The following HEATR4 variants were observed in gnomAD, a reference collection of about 807,000 sequenced individuals.
HEATR4 encodes HEAT repeat-containing protein 4.
In HEATR4, 95 loss-of-function variants were observed where a neutral mutation model predicts 108.8. The observed-to-expected ratio is 0.87, with a 90% CI of 0.74 to 1.04. The LOEUF (loss-of-function observed/expected upper bound fraction) is 1.04, where lower values mean the gene tolerates loss of function less well. Ranked by LOEUF, HEATR4 falls within the 50% of genes least tolerant of loss-of-function variation. The pLI, the probability that HEATR4 is intolerant of heterozygous loss-of-function variation, is 0.00. For missense variants in HEATR4, 1,152 were observed against 1,253.8 expected (o/e 0.92, Z 1.23); for synonymous variants, 443 against 459.4 (o/e 0.96, Z 0.46).
the HEATR4 span, among the ~76,000 whole-genome samples, chr14:73,589,432 G>A: frequency 6.6e-6 from 1 of 152,000 alleles, no homozygotes; most frequent in Non-Finnish European, 1.5e-5. Context: ...CAATTCTCCT[G>A]CCTCAGCCTC....
At chr14:73,590,453 C>T in the HEATR4 span, among the ~76,000 whole-genome samples, 3,165 of 152,380 alleles carry the variant, frequency 0.021, 119 homozygotes, top group African/African-American at 0.072. Context: ...GGTGGAGCTG[C>T]CTGCCAGTCC....
At chr14:73,499,443 GTAC>G (rs1480183179) in intron 12 of HEATR4, among the ~76,000 whole-genome samples, 3 of 152,234 alleles carry the variant, frequency 2.0e-5, no homozygotes, top group Non-Finnish European at 2.9e-5. Context: ...TCGTGCCACT[GTAC>G]TCCAGCCTGG....
the HEATR4 span, among the ~76,000 whole-genome samples, chr14:73,632,976 C>T: frequency 6.7e-6 from 1 of 149,862 alleles, no homozygotes; most frequent in Non-Finnish European, 1.5e-5. Context: ...GGGTATATAT[C>T]TGTAATTCAG....
chr14:73,515,074 A>AG (rs1339103425), intron 5 of HEATR4, among the ~76,000 whole-genome samples: 1 of 151,822 alleles, frequency 6.6e-6, no homozygotes, highest in Non-Finnish European at 1.5e-5. Context: ...TTCTCAAAAA[A>AG]AAAAAACAAA....
the HEATR4 span, chr14:73,591,562 A>G: frequency 5.8e-6 from 1 of 173,020 alleles, no homozygotes; most frequent in Admixed American, 6.3e-5. Context: ...AAAGTTAAAA[A>G]CAAAACCTTC....
At chr14:73,553,686 G>C (rs1175245008) in intron 1 of HEATR4, among the ~76,000 whole-genome samples, 1 of 112,226 alleles carries the variant, frequency 8.9e-6, no homozygotes, top group South Asian at 2.9e-4. Context: ...CCAGGCTGGA[G>C]TGCAGCAGCG....
the HEATR4 span, among the ~76,000 whole-genome samples, chr14:73,621,452 C>T: frequency 6.6e-6 from 1 of 152,176 alleles, no homozygotes; most frequent in Non-Finnish European, 1.5e-5. Flanking sequence ...CAATTACCCT[C>T]CTACTGAGAA....
chr14:73,581,050 T>C, the HEATR4 span: 2 of 151,954 alleles, frequency 1.3e-5, no homozygotes, highest in Admixed American at 6.6e-5. Context: ...TGTTTTGATA[T>C]GTGTATATTA....
At chr14:73,574,342 G>A in the HEATR4 span, 1 of 165,128 alleles carries the variant, frequency 6.1e-6, no homozygotes. Flanking sequence ...TCGGCTCACT[G>A]CAAACTCCAC....
Position 73,506,513 on chromosome 14 carries a change from A to G in HEATR4, c.1940T>C (p.Ile647Thr), listed in dbSNP as rs576219698. 1.2e-5 allele frequency: 19 copies of G among 1,613,874 alleles called. No homozygotes were observed. Among genetic ancestry groups the G allele is most frequent in the South Asian group, 6.6e-5 (6 of 91,078 alleles). The change falls in exon 10 of 18, where the codon ATT (isoleucine) becomes ACT (threonine). Residue 647 changes from isoleucine to threonine, a missense_variant. Physicochemically the swap from Ile to Thr is moderately conservative, Grantham distance 89. Coordinates refer to ENST00000553558, the MANE Select transcript of HEATR4 (RefSeq NM_001220484.1). ...ELNSCQWKNR[I>T]VACQAFSRIS... is the part of the protein sequence containing the mutation. ...CCGGGAGAAAGCCTGGCAGGCCACA[A>G]TCCGGTTCTTCCATTGACAGCTGTT... is the stretch of plus-strand genomic sequence containing the variant.
chr14:73,571,107 G>C, the HEATR4 span: 1 of 151,796 alleles, frequency 6.6e-6, no homozygotes, highest in African/African-American at 2.4e-5. Context: ...CATTGCTCCA[G>C]CTGCAGCTGC....
chr14:73,590,078 C>G, the HEATR4 span, among the ~76,000 whole-genome samples: 2 of 152,292 alleles, frequency 1.3e-5, no homozygotes, highest in South Asian at 4.1e-4. Flanking sequence ...CAAACCTTCC[C>G]GCAACGTAGA....
intron 2 of HEATR4, 129 bp from the exon 3 acceptor site, chr14:73,523,353 A>G (rs1888094224): frequency 1.8e-6 from 1 of 557,292 alleles, no homozygotes; most frequent in Non-Finnish European, 3.1e-6. Flanking sequence ...TGTGAGTTAG[A>G]AGAACAAAAG....
intron 8 of HEATR4, among the ~76,000 whole-genome samples, chr14:73,508,635 G>C (rs953287618): frequency 6.6e-6 from 1 of 151,044 alleles, no homozygotes; most frequent in Admixed American, 6.7e-5. Context: ...TGTAATCCCA[G>C]CTACTTGGGA....
intron 1 of HEATR4, among the ~76,000 whole-genome samples, chr14:73,551,734 A>G (rs183866780): frequency 0.035 from 3,759 of 108,360 alleles, 536 homozygotes; most frequent in African/African-American, 0.1. Context: ...CTTGAACCCC[A>G]GGAGGCCGAG....
chr14:73,616,992 A>AG, the HEATR4 span: 1 of 683,416 alleles, frequency 1.5e-6, no homozygotes, highest in Non-Finnish European at 2.6e-6. Context: ...TTCTCCAGGC[A>AG]GGGGGCCCTT....
At position 73,537,115 on chromosome 14, in the gene HEATR4, C is replaced by A. The variant is rs1345427152; in HGVS notation, c.-151-6871G>T. On this transcript the variant is annotated intron_variant, in intron 1 of 17. Transcript: ENST00000553558. ...TCTCCTGCCTCAGCCTCCCGAGTAGCCGGGACGAACCAGTCCTGGCCCAGC... is the reference window on the plus strand; with the variant it reads ...TCTCCTGCCTCAGCCTCCCGAGTAGACGGGACGAACCAGTCCTGGCCCAGC... 42 of 257,192 alleles carry A rather than the reference C, an allele frequency of 1.6e-4. 13 individuals carry two copies. The highest frequency in any genetic ancestry group is 1.2e-3 in the Admixed American group (16 of 13,596). The allele number at this position is 257,192 out of a possible 1,614,324, so 15.9% of individuals were successfully genotyped here. A position where few individuals can be genotyped will look rare whatever the true frequency, so the allele number is the denominator to read the frequency against.
chr14:73,576,942 T>C, the HEATR4 span, among the ~76,000 whole-genome samples: 73 of 146,130 alleles, frequency 5.0e-4, no homozygotes, highest in East Asian at 5.4e-3. Flanking sequence ...CTTTTTTTTT[T>C]TTTTTTGAGA....
the HEATR4 span, among the ~76,000 whole-genome samples, chr14:73,600,656 G>A: frequency 4.0e-5 from 6 of 151,724 alleles, no homozygotes; most frequent in Non-Finnish European, 5.9e-5. Flanking sequence ...TCACCATGTC[G>A]GCCAATCTGG....
Sources: gnomAD v4.1 joint callset for allele counts (sites outside exome capture counted in the v4.1 genomes callset) on GRCh38, gnomAD v4.1.1 for gene constraint, MANE v1.5 for transcripts, NCBI Gene and HGNC (gene_info 2026-07-23, HGNC 2026-07-21) for gene names.